Variants in VWA3B observed in about 807,000 individuals in gnomAD.
The protein encoded by VWA3B is von Willebrand factor A domain-containing protein 3B.
VWA3B carries 138 observed loss-of-function variants against 158.3 expected under a neutral mutation model. The ratio of observed to expected loss-of-function variants is 0.87; its 90% CI spans 0.76 to 1.00. VWA3B has a LOEUF of 1.00. VWA3B is among the 50% of genes least tolerant of loss of function. VWA3B has a pLI of 0.00. For synonymous variants in VWA3B, 596 were observed against 587.3 expected (o/e 1.01, Z -0.21); for missense variants, 1,555 against 1,565.1 (o/e 0.99, Z 0.11).
rs971400092 is a variant in VWA3B, at chr2:98,312,508, C to G, written c.*159C>G. On this transcript the variant is annotated 3_prime_UTR_variant, in exon 28 of 28. Transcript: ENST00000477737. ...AGCAAAGACTCCTCTCCCCTCCATC[C>G]CTGCTGCCTCCCCTACCCGTTTGAC... The G allele has an allele frequency of 3.6e-6, 3 of 838,960 alleles. No homozygotes were observed. In the African/African-American group the frequency reaches 5.1e-5, roughly 14 times the overall value. The allele number at this position is 838,960 out of a possible 1,614,324, so 52.0% of individuals were successfully genotyped here.
chr2:98,264,997 C>T (rs201636910), intron 21 of VWA3B, among the ~76,000 whole-genome samples: 28,419 of 151,846 alleles, frequency 0.19, 3,043 homozygotes, highest in Admixed American at 0.34. Flanking sequence ...TTTATTAAGT[C>T]ATAAGTTGAT....
intron 12 of VWA3B, among the ~76,000 whole-genome samples, chr2:98,211,499 T>C (rs1446959355): frequency 6.6e-6 from 1 of 152,236 alleles, no homozygotes; most frequent in Non-Finnish European, 1.5e-5. Context: ...CATTGTTAGA[T>C]TGCTAAGGAT....
intron 25 of VWA3B, among the ~76,000 whole-genome samples, chr2:98,301,374 C>T (rs1690180678): frequency 6.6e-6 from 1 of 151,794 alleles, no homozygotes; most frequent in South Asian, 2.1e-4. Flanking sequence ...GTTGTCTGAC[C>T]TGAGCAGGTT....
chr2:98,314,638 T>C (rs1474498218), downstream of VWA3B, among the ~76,000 whole-genome samples: 1 of 152,108 alleles, frequency 6.6e-6, no homozygotes, highest in Non-Finnish European at 1.5e-5. Context: ...ATATCCATCA[T>C]CCAACAAGGT....
chr2:98,139,338 T>C (rs1431610018), intron 7 of VWA3B, among the ~76,000 whole-genome samples: 2 of 152,216 alleles, frequency 1.3e-5, no homozygotes, highest in African/African-American at 4.8e-5. Context: ...CGCCACCCCC[T>C]GCTCCACGGT....
In VWA3B at chr2:98,270,788, G is replaced by A. The variant is rs760972453; in HGVS notation, c.2950G>A (p.Glu984Lys). 5 of 1,614,122 alleles carry A rather than the reference G, an allele frequency of 3.1e-6. No individual in the cohort carries two copies. Among genetic ancestry groups the A allele is most frequent in the Non-Finnish European group, 2.5e-6 (3 of 1,179,982 alleles). Residue 984 changes from glutamate (E) to lysine (K), a missense_variant, in exon 22 of 28, where the codon GAA becomes AAA. Coordinates refer to ENST00000477737, the MANE Select transcript of VWA3B (RefSeq NM_144992.5). ...TTCACTGAAAGAGCTGTCGATGCTG[G>A]AAAGTGAAATCCTAGCTGGGAAAAT... ...PISLKELSML[E>K]SEILAGKMYI...
intron 9 of VWA3B, among the ~76,000 whole-genome samples, chr2:98,187,622 C>A (rs187723264): frequency 2.0e-5 from 3 of 151,016 alleles, no homozygotes; most frequent in Admixed American, 2.0e-4. Context: ...CTCCACATTG[C>A]TATGTCTCTC....
In VWA3B at chr2:98,254,694, C is replaced by T. The variant is rs577457039; in HGVS notation, c.2793-1430C>T. On this transcript the variant is annotated intron_variant, in intron 20 of 27. Coordinates refer to ENST00000477737, the MANE Select transcript of VWA3B (RefSeq NM_144992.5). ...CCTCATGGCGACACTAGGAGTGGAG[C>T]GGTACTACTATCCCCACTTTACCGA... 7.9e-5 allele frequency among the ~76,000 whole-genome samples: 12 copies of T among 152,316 alleles called. No individual in the cohort carries two copies. In the South Asian group the frequency reaches 8.3e-4, roughly 11 times the overall value.
intron 1 of VWA3B, among the ~76,000 whole-genome samples, chr2:98,090,379 A>G (rs1006410422): frequency 1.3e-5 from 2 of 152,226 alleles, no homozygotes; most frequent in Non-Finnish European, 2.9e-5. Flanking sequence ...CTAAAGAACC[A>G]TGACTTTTAG....
At chr2:98,202,970 C>T (rs766719388) in intron 12 of VWA3B, among the ~76,000 whole-genome samples, 131 of 152,118 alleles carry the variant, frequency 8.6e-4, no homozygotes, top group Non-Finnish European at 1.6e-3. Context: ...GTAGCTAGGC[C>T]TACAGGCATG....
rs13023896 is a variant in VWA3B at position 98,300,977 on chromosome 2, C to T, written c.3420+761C>T. On this transcript the variant is annotated intron_variant, in intron 25 of 27. Transcript: ENST00000477737. ...ACAAAGTGGAGTAGAGTGAAAAGAA[C>T]ACAGGCTTTACAGTTAAAAGCCCTG... Among the ~76,000 whole-genome samples the T allele has an allele frequency of 9.0e-3, 1,363 of 152,264 alleles. 8 individuals are homozygous for T. The highest frequency in any genetic ancestry group is 0.014 in the Non-Finnish European group (981 of 68,018).
intron 12 of VWA3B, chr2:98,206,742 T>C: frequency 3.0e-6 from 1 of 328,006 alleles, no homozygotes; most frequent in South Asian, 2.8e-5. Flanking sequence ...TAGCCAAGAG[T>C]GGCAAAATTG....
At chr2:98,187,084 C>T (rs1230827061) in intron 9 of VWA3B, among the ~76,000 whole-genome samples, 2 of 152,136 alleles carry the variant, frequency 1.3e-5, no homozygotes, top group Admixed American at 6.5e-5. Flanking sequence ...CTCCCAGCCT[C>T]GCTATGGCCA....
chr2:98,221,360 G>C (rs918592602), intron 14 of VWA3B, among the ~76,000 whole-genome samples: 7 of 152,134 alleles, frequency 4.6e-5, no homozygotes, highest in African/African-American at 1.7e-4. Context: ...CTTAATAACA[G>C]AAAACCTTTT....
At chr2:98,318,538 T>C in the VWA3B span, among the ~76,000 whole-genome samples, 4 of 152,050 alleles carry the variant, frequency 2.6e-5, no homozygotes, top group Non-Finnish European at 5.9e-5. Flanking sequence ...CATGGACACA[T>C]GGTGGAGGGA....
chr2:98,261,870 G>A (rs1687504231), intron 21 of VWA3B, among the ~76,000 whole-genome samples: 1 of 151,504 alleles, frequency 6.6e-6, no homozygotes. Context: ...ATGTGTGTTG[G>A]TGTGACTCTT....
At chr2:98,323,738 A>C in the VWA3B span, among the ~76,000 whole-genome samples, 2 of 152,220 alleles carry the variant, frequency 1.3e-5, no homozygotes, top group African/African-American at 4.8e-5. Flanking sequence ...TCTCAACAAA[A>C]GCTATAGGCA....
chr2:98,248,885 C>CTTTTCTTTCTTTCTTTCTTTCTCTT (rs75531074), intron 19 of VWA3B, among the ~76,000 whole-genome samples: 1 of 57,956 alleles, frequency 1.7e-5, no homozygotes, highest in African/African-American at 8.3e-5. Context: ...CTTTCTTTCT[C>CTTTTCTTTCTTTCTTTCTTTCTCTT]TCTTTCCTTT....
intron 9 of VWA3B, among the ~76,000 whole-genome samples, chr2:98,182,635 A>G (rs1226361708): frequency 6.6e-6 from 1 of 152,182 alleles, no homozygotes; most frequent in Non-Finnish European, 1.5e-5. Context: ...CATTTTAAAA[A>G]TAGGCCAGGC....
Sources: allele counts gnomAD v4.1 joint callset (sites outside exome capture counted in the v4.1 genomes callset), GRCh38; gene constraint gnomAD v4.1.1; transcripts MANE v1.5; gene names NCBI Gene and HGNC (gene_info 2026-07-23, HGNC 2026-07-21).